STXBP3: variants seen among roughly 807,000 people sequenced by gnomAD.
STXBP3 encodes syntaxin binding protein 3, also known as syntaxin-binding protein 3.
Under a neutral mutation model 85.7 loss-of-function variants are expected in STXBP3, and 41 were observed. That is an observed-to-expected ratio of 0.48 (90% CI 0.37 to 0.62). The LOEUF (loss-of-function observed/expected upper bound fraction) is 0.62. Ranked by LOEUF, STXBP3 falls within the 20% of genes least tolerant of loss-of-function variation. The pLI is 0.00. For synonymous variants in STXBP3, 229 were observed against 231.7 expected (o/e 0.99, Z 0.10); for missense variants, 563 against 703.1 (o/e 0.80, Z 2.25).
chr1:108,796,322 A>C lies in STXBP3; in HGVS notation c.1199A>C (p.Asp400Ala). The C allele has an allele frequency of 1.2e-6, 2 of 1,600,098 alleles. No homozygotes were observed. Among genetic ancestry groups the C allele is most frequent in the Non-Finnish European group, 1.7e-6 (2 of 1,167,342 alleles). The change falls in exon 14 of 19, where the codon GAT becomes GCT. Residue 400 changes from aspartate (D) to alanine (A), a missense_variant. This residue lies in a region of STXBP3 where 494 missense variants were observed against 592.8 expected (regional missense o/e 0.83). Transcript: ENST00000370008. ...CCAGTTCTACTCAACAAAAATCATGATAATTGTGATAAAATAAGAGCAATT... is the reference window on the plus strand; with the variant it reads ...CCAGTTCTACTCAACAAAAATCATGCTAATTGTGATAAAATAAGAGCAATT... ...LLPVLLNKNH[D>A]NCDKIRAILL...
At chr1:108,753,405 A>G (rs1222177819) in intron 3 of STXBP3, among the ~76,000 whole-genome samples, 1 of 58,378 alleles carries the variant, frequency 1.7e-5, no homozygotes, top group African/African-American at 5.1e-5. Context: ...TCATATATAC[A>G]TATATATATA....
At chr1:108,775,827 C>T (rs542568198) in intron 7 of STXBP3, among the ~76,000 whole-genome samples, 81 of 151,992 alleles carry the variant, frequency 5.3e-4, no homozygotes, top group African/African-American at 1.9e-3. Flanking sequence ...GGAATCGATA[C>T]ATAGAATCCA....
intron 8 of STXBP3, 91 bp from the exon 9 acceptor site, chr1:108,779,195 G>T: frequency 1.4e-6 from 2 of 1,382,550 alleles, no homozygotes; most frequent in South Asian, 1.6e-5. Context: ...ACAGAACTTA[G>T]GAAAAGGGTG....
At chr1:108,796,790 C>CT in intron 15 of STXBP3, 64 bp downstream of exon 15, 2 of 1,220,430 alleles carry the variant, frequency 1.6e-6, no homozygotes, top group Non-Finnish European at 2.2e-6. Flanking sequence ...TATGTATTAA[C>CT]TGTTTTTTTT....
intron 13 of STXBP3, among the ~76,000 whole-genome samples, chr1:108,795,899 CTTG>C (rs967442089): frequency 1.2e-4 from 18 of 152,130 alleles, no homozygotes; most frequent in African/African-American, 4.3e-4. Context: ...GAGTTTCGCT[CTTG>C]TTGCCCAGGC....
At chr1:108,760,260 A>G (rs1206993532) in intron 6 of STXBP3, among the ~76,000 whole-genome samples, 175 bp downstream of exon 6, 2 of 152,218 alleles carry the variant, frequency 1.3e-5, no homozygotes, top group Non-Finnish European at 2.9e-5. Flanking sequence ...ATAAATTGGA[A>G]TTAAAAATGA....
At position 108,746,802 on chromosome 1, in the gene STXBP3, TAGGGGTTGAGAG is replaced by T. The variant is rs777366406; in HGVS notation, c.49+21_49+32del. The T allele has an allele frequency of 6.5e-6, 10 of 1,529,118 alleles. No homozygotes were observed. The highest frequency in any genetic ancestry group is 4.1e-5 in the Admixed American group (2 of 49,104). The allele number at this position is 1,529,118 out of a possible 1,614,324, so 94.7% of individuals were successfully genotyped here. A position where few individuals can be genotyped will look rare whatever the true frequency, so the allele number is the denominator to read the frequency against. ...GTGTGGCAGAGTGAGTGCGGTGGGG[TAGGGGTTGAGAG>T]AGGGAAGGCCGGGAGGCTGCCGTGC... is the stretch of plus-strand genomic sequence containing the variant. On this transcript the variant is annotated intron_variant, in intron 1 of 18. Coordinates refer to ENST00000370008, the MANE Select transcript of STXBP3 (RefSeq NM_007269.4).
Position 108,779,393 on chromosome 1 carries a change from T to G in STXBP3, c.792T>G (p.Ile264Met). 1.9e-6 allele frequency: 3 copies of G among 1,611,592 alleles called. No individual in the cohort carries two copies. The highest frequency in any genetic ancestry group is 2.5e-6 in the Non-Finnish European group (3 of 1,178,560). Reference sequence around the variant, plus strand: ...CAATGGCATATGATCTACTACCAATTGAGAATGATACATACAAGCAAGTAT... The same window carrying G: ...CAATGGCATATGATCTACTACCAATGGAGAATGATACATACAAGCAAGTAT... ...FQAMAYDLLP[I>M]ENDTYKYKTD... Residue 264 changes from isoleucine (I) to methionine (M), a missense_variant, in exon 9 of 19, where the codon ATT becomes ATG. Transcript: ENST00000370008.
chr1:108,749,307 C>T (rs1001878179), intron 1 of STXBP3, among the ~76,000 whole-genome samples: 2 of 152,124 alleles, frequency 1.3e-5, no homozygotes, highest in East Asian at 1.9e-4. Context: ...GCTGTAATCT[C>T]AACTTGAGAC....
intron 17 of STXBP3, 139 bp from the exon 18 acceptor site, chr1:108,807,257 CAAAAA>C (rs201346701): frequency 3.0e-4 from 206 of 694,996 alleles, no homozygotes; most frequent in East Asian, 1.5e-3. Flanking sequence ...GACTCCACCT[CAAAAA>C]AAAAAAAAAA....
chr1:108,767,928 ATG>A (rs1662302450), intron 6 of STXBP3, among the ~76,000 whole-genome samples: 1 of 152,124 alleles, frequency 6.6e-6, no homozygotes, highest in Non-Finnish European at 1.5e-5. Context: ...ATACAAAAGA[ATG>A]AGAGAATAAT....
chr1:108,798,420 T>C (rs1663161890), intron 16 of STXBP3, among the ~76,000 whole-genome samples, 183 bp downstream of exon 16: 1 of 146,808 alleles, frequency 6.8e-6, no homozygotes, highest in Non-Finnish European at 1.5e-5. Flanking sequence ...TTTTTTTTTT[T>C]TTTTTTTCTT....
chr1:108,753,168 C>T (rs928542851), intron 3 of STXBP3, 24 bp downstream of exon 3: 3 of 1,493,704 alleles, frequency 2.0e-6, no homozygotes, highest in African/African-American at 2.8e-5. Context: ...TTGGCATGAA[C>T]ACTTTTTAAT....
At chr1:108,777,989 G>C (rs1662624169) in intron 8 of STXBP3, among the ~76,000 whole-genome samples, 1 of 152,014 alleles carries the variant, frequency 6.6e-6, no homozygotes, top group Non-Finnish European at 1.5e-5. Context: ...CATAATTGTG[G>C]TTCATTTTAC....
At position 108,783,837 on chromosome 1, in the gene STXBP3, TTTATTTTCAA is replaced by T. The variant is rs1310145716; in HGVS notation, c.963+1135_963+1144del. 1.3e-5 allele frequency among the ~76,000 whole-genome samples: 2 copies of T among 152,230 alleles called. 1 individual carries two copies. The highest frequency in any genetic ancestry group is 2.9e-5 in the Non-Finnish European group (2 of 68,042). ...CACCAACACTTGATATATTCTTGTC[TTTATTTTCAA>T]TTAAAATTTCATTGCACGAGATGGT... On this transcript the variant is annotated intron_variant, in intron 11 of 18. Transcript: ENST00000370008.
intron 6 of STXBP3, among the ~76,000 whole-genome samples, chr1:108,764,845 G>A (rs555409636): frequency 5.3e-5 from 8 of 152,254 alleles, no homozygotes; most frequent in African/African-American, 7.2e-5. Flanking sequence ...TTACTCTGTT[G>A]ATAGTTCCTT....
At chr1:108,746,921 ACTT>A (rs1661797502) in intron 1 of STXBP3, 135 bp downstream of exon 1, 1 of 847,372 alleles carries the variant, frequency 1.2e-6, no homozygotes, top group Non-Finnish European at 1.9e-6. Flanking sequence ...CTGTGTGAGG[ACTT>A]CTTCCTGCTT....
chr1:108,768,665 G>A lies in STXBP3; in HGVS notation c.439-4000G>A, dbSNP rs79383934. ...CAAAAATAATGACAGAAAATTAGCT[G>A]GTGCAGAAAACTGTGGAACTGGTCG... On this transcript the variant is annotated intron_variant, in intron 6 of 18. Transcript: ENST00000370008. Among the ~76,000 whole-genome samples, 475 of 152,164 alleles carry A rather than the reference G, an allele frequency of 3.1e-3. 4 individuals are homozygous for A. Among genetic ancestry groups the A allele is most frequent in the African/African-American group, 0.011 (456 of 41,512 alleles).
At chr1:108,796,790 CTG>C in intron 15 of STXBP3, 64 bp downstream of exon 15, 2 of 1,220,474 alleles carry the variant, frequency 1.6e-6, no homozygotes, top group Non-Finnish European at 2.2e-6. Flanking sequence ...TATGTATTAA[CTG>C]TTTTTTTTTT....
Sources: allele counts gnomAD v4.1 joint callset (sites outside exome capture counted in the v4.1 genomes callset), GRCh38; gene constraint gnomAD v4.1.1; regional missense constraint gnomAD v4.1.1; transcripts MANE v1.5; gene names NCBI Gene and HGNC (gene_info 2026-07-23, HGNC 2026-07-21).